The following PARG variants were observed in gnomAD, a reference collection of about 807,000 sequenced individuals.
PARG encodes mitochondrial poly(ADP-ribose) glycohydrolase.
PARG carries 35 observed loss-of-function variants against 113.0 expected under a neutral mutation model. That is an observed-to-expected ratio of 0.31 (90% CI 0.24 to 0.41). The LOEUF (loss-of-function observed/expected upper bound fraction) is 0.41, where lower values mean the gene tolerates loss of function less well. Among genes scored for constraint, PARG ranks in the 10% least tolerant of loss-of-function variants. The pLI is 1.00. For missense variants in PARG, 797 were observed against 1,169.4 expected (o/e 0.68, Z 4.64); for synonymous variants, 330 against 409.9 (o/e 0.81, Z 2.36).
At chr10:49,929,502 T>G (rs1343560877) in intron 4 of PARG, among the ~76,000 whole-genome samples, 1 of 152,260 alleles carries the variant, frequency 6.6e-6, no homozygotes, top group Admixed American at 6.5e-5. Context: ...TGACATAAAG[T>G]CATTTAAAGT....
At chr10:49,921,896 G>A (rs1304557869) in intron 6 of PARG, among the ~76,000 whole-genome samples, 5 of 151,952 alleles carry the variant, frequency 3.3e-5, no homozygotes, top group African/African-American at 1.2e-4. Flanking sequence ...AAACTGCTAG[G>A]AGCTATATTA....
intron 6 of PARG, among the ~76,000 whole-genome samples, chr10:49,922,062 A>T (rs1837903903): frequency 6.6e-6 from 1 of 152,216 alleles, no homozygotes; most frequent in African/African-American, 2.4e-5. Context: ...AAAGAAAGAG[A>T]AGCTTGCACT....
intron 8 of PARG, among the ~76,000 whole-genome samples, chr10:49,881,934 G>A (rs1416042164): frequency 1.3e-5 from 2 of 152,272 alleles, no homozygotes; most frequent in Middle Eastern, 3.4e-3. Context: ...AACGAGTTTA[G>A]AAAAGGTGAC....
intron 1 of PARG, among the ~76,000 whole-genome samples, chr10:49,938,206 A>T (rs1340149739): frequency 1.3e-5 from 2 of 152,202 alleles, no homozygotes; most frequent in African/African-American, 4.8e-5. Flanking sequence ...GAAGCTAACA[A>T]CACCTACTTC....
chr10:49,930,233 T>C (rs1838418110), intron 4 of PARG, among the ~76,000 whole-genome samples: 1 of 151,090 alleles, frequency 6.6e-6, no homozygotes, highest in South Asian at 2.1e-4. Context: ...GTTAAAAATA[T>C]AATTTAGAAA....
chr10:49,863,047 G>C (rs1554836230), intron 11 of PARG, among the ~76,000 whole-genome samples: 1 of 151,700 alleles, frequency 6.6e-6, no homozygotes, highest in Non-Finnish European at 1.5e-5. Flanking sequence ...TCACGAAATT[G>C]CTAGAAACCT....
chr10:49,891,219 CAGG>C (rs1847761834), intron 7 of PARG, among the ~76,000 whole-genome samples: 1 of 152,194 alleles, frequency 6.6e-6, no homozygotes, highest in Non-Finnish European at 1.5e-5. Context: ...GAGGCGGAAG[CAGG>C]AGAATTGCCT....
intron 2 of PARG, among the ~76,000 whole-genome samples, chr10:49,934,728 A>G (rs1838663812): frequency 6.6e-6 from 1 of 151,980 alleles, no homozygotes; most frequent in Admixed American, 6.6e-5. Context: ...GGGCGCCTGT[A>G]GTCCCAGCTA....
chr10:49,920,986 G>A (rs1174374474), intron 6 of PARG, among the ~76,000 whole-genome samples: 1 of 152,150 alleles, frequency 6.6e-6, no homozygotes, highest in South Asian at 2.1e-4. Context: ...CAGCTGCAGA[G>A]AGCAGACTGC....
chr10:49,927,701 T>C (rs376656125), intron 4 of PARG, among the ~76,000 whole-genome samples: 253 of 151,830 alleles, frequency 1.7e-3, no homozygotes, highest in East Asian at 0.016. Flanking sequence ...CAGGCACAGT[T>C]GCTCACGCCT....
intron 13 of PARG, among the ~76,000 whole-genome samples, chr10:49,844,645 GA>G (rs1245880612): frequency 7.0e-6 from 1 of 142,222 alleles, no homozygotes; most frequent in Non-Finnish European, 1.5e-5. Context: ...AAAGACACTA[GA>G]AAAAAAAAGA....
chr10:49,833,809 C>T (rs940710913), intron 15 of PARG, among the ~76,000 whole-genome samples: 6 of 152,156 alleles, frequency 3.9e-5, no homozygotes, highest in Non-Finnish European at 7.4e-5. Context: ...AAGTTCCAAA[C>T]GAAGCCTAAA....
chr10:49,884,328 G>A (rs1847356954), intron 8 of PARG, among the ~76,000 whole-genome samples: 1 of 152,200 alleles, frequency 6.6e-6, no homozygotes, highest in African/African-American at 2.4e-5. Context: ...AGTTAAGGCT[G>A]GCACAGTGGC....
intron 1 of PARG, among the ~76,000 whole-genome samples, chr10:49,938,063 T>C (rs1461612240): frequency 1.3e-5 from 2 of 152,108 alleles, no homozygotes; most frequent in African/African-American, 2.4e-5. Flanking sequence ...AGAGTGGCAA[T>C]AAGAAGTGAT....
intron 7 of PARG, among the ~76,000 whole-genome samples, chr10:49,888,132 T>C (rs1339203548): frequency 1.3e-5 from 2 of 152,158 alleles, no homozygotes; most frequent in African/African-American, 2.4e-5. Context: ...CAGTGAAGTG[T>C]AGACTTTACC....
At chr10:49,915,797 C>G (rs1837438876) in intron 7 of PARG, 120 bp downstream of exon 7, 1 of 623,018 alleles carries the variant, frequency 1.6e-6, no homozygotes. Context: ...TATAAAATAA[C>G]AGCAAATTTA....
chr10:49,836,401 G>A (rs1252486375), intron 15 of PARG, among the ~76,000 whole-genome samples: 4 of 140,538 alleles, frequency 2.8e-5, no homozygotes, highest in East Asian at 2.2e-4. Flanking sequence ...GGGTTCAAGC[G>A]ATTCTCCTGC....
chr10:49,920,803 G>C (rs1837828878), intron 6 of PARG, among the ~76,000 whole-genome samples: 1 of 151,824 alleles, frequency 6.6e-6, no homozygotes, highest in South Asian at 2.1e-4. Context: ...CGTATTGCTG[G>C]TATTGCTGGA....
chr10:49,889,115 T>C (rs1345831093), intron 7 of PARG, among the ~76,000 whole-genome samples: 1 of 151,642 alleles, frequency 6.6e-6, no homozygotes, highest in Admixed American at 6.6e-5. Context: ...TTCAAGTATG[T>C]TTATAATTGC....
Sources: gnomAD v4.1 joint callset for allele counts (sites outside exome capture counted in the v4.1 genomes callset) on GRCh38, gnomAD v4.1.1 for gene constraint, MANE v1.5 for transcripts, NCBI Gene and HGNC (gene_info 2026-07-23, HGNC 2026-07-21) for gene names.